Variants in ADGRD1 observed in about 807,000 individuals in gnomAD.
ADGRD1 encodes the protein adhesion G protein-coupled receptor D1, also known as G-protein coupled receptor 133.
In ADGRD1, 77 loss-of-function variants were observed where a neutral mutation model predicts 113.4. The observed-to-expected ratio is 0.68, with a 90% CI of 0.57 to 0.82. The LOEUF is 0.82. Ranked by LOEUF, ADGRD1 falls within the 40% of genes least tolerant of loss-of-function variation. ADGRD1 has a pLI of 0.00. For missense variants in ADGRD1, 1,036 were observed against 1,139.1 expected, an observed-to-expected ratio of 0.91 and a Z score of 1.30; for synonymous variants, 474 against 475.0, an observed-to-expected ratio of 1.00 and a Z score of 0.03.
intron 11 of ADGRD1, among the ~76,000 whole-genome samples, chr12:131,005,475 C>T (rs1259207401): frequency 2.0e-5 from 3 of 152,216 alleles, no homozygotes; most frequent in African/African-American, 4.8e-5. Context: ...ATACAGACTT[C>T]CCAGTGGCTG....
At chr12:130,996,350 C>T (rs397841887) in intron 8 of ADGRD1, among the ~76,000 whole-genome samples, 10 of 132,220 alleles carry the variant, frequency 7.6e-5, no homozygotes, top group South Asian at 4.6e-4. Flanking sequence ...CCAGTAGGGG[C>T]GGCCGGGCAG....
At chr12:130,969,521 T>G (rs540904160) in intron 3 of ADGRD1, 102 of 160,206 alleles carry the variant, frequency 6.4e-4, no homozygotes, top group African/African-American at 2.3e-3. Context: ...TGCATGCTCC[T>G]TATGAGAATC....
At chr12:130,993,168 A>T (rs1874655397) in intron 8 of ADGRD1, among the ~76,000 whole-genome samples, 1 of 152,012 alleles carries the variant, frequency 6.6e-6, no homozygotes, top group Non-Finnish European at 1.5e-5. Context: ...CATCGGGGAT[A>T]AGTGGGTTCC....
intron 13 of ADGRD1, among the ~76,000 whole-genome samples, chr12:131,056,987 C>T (rs1225503173): frequency 6.6e-6 from 1 of 152,132 alleles, no homozygotes; most frequent in African/African-American, 2.4e-5. Context: ...CGTGTGTTGA[C>T]ATTCGACAAA....
At chr12:131,053,361 C>T (rs998065914) in intron 13 of ADGRD1, among the ~76,000 whole-genome samples, 4 of 152,222 alleles carry the variant, frequency 2.6e-5, no homozygotes, top group Non-Finnish European at 5.9e-5. Context: ...TCTTGGAAAC[C>T]CGTCTTCATT....
chr12:130,986,774 C>T, intron 5 of ADGRD1: 1 of 323,566 alleles, frequency 3.1e-6, no homozygotes, highest in Non-Finnish European at 5.8e-6. Flanking sequence ...TTGGTTGGCA[C>T]TTGTGCCCTG....
rs761857581 is a variant in ADGRD1 at position 131,041,737 on chromosome 12, C to T, written c.1473+27397C>T. On this transcript the variant is annotated intron_variant, in intron 13 of 24. Transcript: ENST00000261654. The surrounding 1 kb of genome is among the most constrained non-coding windows in gnomAD (Gnocchi z 4.4). Reference sequence around the variant, plus strand: ...CAGTTCCCGGGGAACACACTGCACGCTGTTGCCGCAGCCTCCCCCTGCCTG... The same window carrying T: ...CAGTTCCCGGGGAACACACTGCACGTTGTTGCCGCAGCCTCCCCCTGCCTG... 1.3e-5 allele frequency among the ~76,000 whole-genome samples: 2 copies of T among 152,236 alleles called. No homozygotes were observed. Among genetic ancestry groups the T allele is most frequent in the African/African-American group, 2.4e-5 (1 of 41,466 alleles).
intron 13 of ADGRD1, among the ~76,000 whole-genome samples, chr12:131,031,681 C>T (rs1880767908): frequency 6.6e-6 from 1 of 152,122 alleles, no homozygotes; most frequent in Non-Finnish European, 1.5e-5. Flanking sequence ...ACTGGACCCC[C>T]AGGGCCACCT....
chr12:131,129,740 G>A (rs1397291878), intron 20 of ADGRD1, among the ~76,000 whole-genome samples: 2 of 152,226 alleles, frequency 1.3e-5, no homozygotes, highest in African/African-American at 4.8e-5. Context: ...TAGAAACAAA[G>A]GCATGCACAC....
intron 13 of ADGRD1, chr12:131,023,804 T>C (rs906694224): frequency 6.6e-6 from 1 of 152,228 alleles, no homozygotes; most frequent in African/African-American, 2.4e-5. Flanking sequence ...GTCCAGCCTC[T>C]GTTCTGGAAA....
chr12:131,120,582 A>C (rs1950569768), intron 19 of ADGRD1: 1 of 563,540 alleles, frequency 1.8e-6, no homozygotes, highest in Admixed American at 3.0e-5. Flanking sequence ...TCTATTTCCT[A>C]ATGAAATTGA....
chr12:130,969,221 G>C, intron 3 of ADGRD1: 2 of 612,456 alleles, frequency 3.3e-6, no homozygotes, highest in Non-Finnish European at 5.8e-6. Flanking sequence ...GATCCAAGGT[G>C]TTAAAAAATA....
intron 5 of ADGRD1, among the ~76,000 whole-genome samples, chr12:130,986,043 C>T (rs1873625706): frequency 6.6e-6 from 1 of 152,080 alleles, no homozygotes; most frequent in African/African-American, 2.4e-5. Flanking sequence ...TTTCCAATGC[C>T]ACACTGTCTT....
chr12:131,052,606 G>A (rs1396739037), intron 13 of ADGRD1, among the ~76,000 whole-genome samples: 3 of 149,686 alleles, frequency 2.0e-5, no homozygotes, highest in African/African-American at 7.4e-5. Context: ...AAAATGCACG[G>A]ATTGGCTTAG....
Position 131,084,473 on chromosome 12 carries a change from G to T in ADGRD1, c.1548-67G>T, listed in dbSNP as rs1203430967. Reference sequence around the variant, plus strand: ...GGGGCCATGTGTTATGGGGGGTGCTGCTCTCAGTCCCCTGCCTGCCAAGGG... The same window carrying T: ...GGGGCCATGTGTTATGGGGGGTGCTTCTCTCAGTCCCCTGCCTGCCAAGGG... On this transcript the variant is annotated intron_variant, in intron 14 of 24. Coordinates refer to ENST00000261654, the MANE Select transcript of ADGRD1 (RefSeq NM_198827.5). The surrounding 1 kb of genome is among the most constrained non-coding windows in gnomAD (Gnocchi z 4.5). The T allele has an allele frequency of 1.3e-6, 2 of 1,584,934 alleles. No homozygotes were observed. Among genetic ancestry groups the T allele is most frequent in the African/African-American group, 2.7e-5 (2 of 74,306 alleles).
intron 13 of ADGRD1, among the ~76,000 whole-genome samples, chr12:131,055,322 G>A (rs994883995): frequency 1.3e-5 from 2 of 152,008 alleles, no homozygotes; most frequent in Non-Finnish European, 2.9e-5. Context: ...GTCTCGTCTG[G>A]TTGATTCAGT....
chr12:131,093,482 C>A (rs1171405501), intron 15 of ADGRD1, among the ~76,000 whole-genome samples: 2 of 152,192 alleles, frequency 1.3e-5, no homozygotes, highest in Non-Finnish European at 2.9e-5. Flanking sequence ...CAGCCTTGAG[C>A]CTCTCAGATG....
chr12:131,106,969 T>C (rs1950245976), intron 17 of ADGRD1, among the ~76,000 whole-genome samples: 1 of 152,210 alleles, frequency 6.6e-6, no homozygotes, highest in African/African-American at 2.4e-5. Flanking sequence ...CTATCAATCA[T>C]TCAGGTGATG....
At chr12:131,082,502 GCTTA>G (rs1216834045) in intron 14 of ADGRD1, among the ~76,000 whole-genome samples, 1 of 152,178 alleles carries the variant, frequency 6.6e-6, no homozygotes, top group Non-Finnish European at 1.5e-5. Flanking sequence ...ATATTGTTTA[GCTTA>G]CCCTTTGTGT....
Sources: allele counts gnomAD v4.1 joint callset (sites outside exome capture counted in the v4.1 genomes callset), GRCh38; gene constraint gnomAD v4.1.1; non-coding constraint Gnocchi (gnomAD v3.1); transcripts MANE v1.5; gene names NCBI Gene and HGNC (gene_info 2026-07-23, HGNC 2026-07-21).